Variants in SLC24A2 observed in about 807,000 individuals in gnomAD.
SLC24A2 encodes the protein sodium/potassium/calcium exchanger 2.
SLC24A2 carries 36 observed loss-of-function variants against 62.0 expected under a neutral mutation model. The ratio of observed to expected loss-of-function variants is 0.58; its 90% confidence interval spans 0.44 to 0.77. The LOEUF is 0.77. SLC24A2 is among the 30% of genes least tolerant of loss of function. The pLI, the probability that SLC24A2 is intolerant of heterozygous loss-of-function variation, is 0.00. For synonymous variants in SLC24A2, 358 were observed against 294.0 expected (o/e 1.22, Z -2.23); for missense variants, 846 against 817.9 (o/e 1.03, Z -0.42).
the SLC24A2 span, among the ~76,000 whole-genome samples, chr9:20,001,347 G>A: frequency 2.0e-5 from 3 of 152,212 alleles, no homozygotes; most frequent in African/African-American, 7.2e-5. Flanking sequence ...GCTCAGGTCT[G>A]CATGGAGAGA....
chr9:19,820,064 T>TACACAC, the SLC24A2 span, among the ~76,000 whole-genome samples: 2 of 129,422 alleles, frequency 1.5e-5, no homozygotes, highest in African/African-American at 6.1e-5. Context: ...TACACATATA[T>TACACAC]ATATATATAT....
intron 2 of SLC24A2, among the ~76,000 whole-genome samples, chr9:19,704,022 G>C (rs1320856158): frequency 6.6e-6 from 1 of 152,110 alleles, no homozygotes; most frequent in Non-Finnish European, 1.5e-5. Flanking sequence ...TGATCATATA[G>C]GGCTTAGTTA....
At chr9:20,235,630 AC>A in the SLC24A2 span, among the ~76,000 whole-genome samples, 16 of 151,956 alleles carry the variant, frequency 1.1e-4, no homozygotes, top group African/African-American at 3.6e-4. Context: ...GCCCTCTGTC[AC>A]CCCTTTCTTT....
intron 8 of SLC24A2, among the ~76,000 whole-genome samples, chr9:19,532,174 G>A (rs1216944201): frequency 6.6e-6 from 1 of 152,138 alleles, no homozygotes; most frequent in African/African-American, 2.4e-5. Flanking sequence ...CCTCCACCTT[G>A]TGGGTTCAAG....
the SLC24A2 span, among the ~76,000 whole-genome samples, chr9:19,794,657 A>T: frequency 6.6e-6 from 1 of 151,318 alleles, no homozygotes; most frequent in Non-Finnish European, 1.5e-5. Flanking sequence ...TGTCCATTTC[A>T]TCAAGAGACT....
At chr9:20,097,720 A>ATTTTTTTT in the SLC24A2 span, among the ~76,000 whole-genome samples, 65 of 69,108 alleles carry the variant, frequency 9.4e-4, 11 homozygotes, top group East Asian at 9.8e-3. Context: ...ATCTTAAATA[A>ATTTTTTTT]TTTTTTTTTT....
At chr9:19,809,647 C>T in the SLC24A2 span, among the ~76,000 whole-genome samples, 50 of 151,990 alleles carry the variant, frequency 3.3e-4, no homozygotes, top group African/African-American at 1.2e-3. Flanking sequence ...CAGTAAGGAG[C>T]GGACAGGATG....
At chr9:19,582,757 G>T (rs566762161) in intron 5 of SLC24A2, among the ~76,000 whole-genome samples, 128 of 152,092 alleles carry the variant, frequency 8.4e-4, no homozygotes, top group African/African-American at 2.9e-3. Flanking sequence ...CTCTCAGAAG[G>T]CTTGCAACAG....
intron 2 of SLC24A2, among the ~76,000 whole-genome samples, chr9:19,717,403 T>G (rs1267223824): frequency 6.6e-5 from 10 of 152,224 alleles, no homozygotes; most frequent in African/African-American, 2.4e-4. Flanking sequence ...AATGGTTAGG[T>G]AAGTTTAGTT....
chr9:20,142,118 G>A, the SLC24A2 span, among the ~76,000 whole-genome samples: 1 of 152,046 alleles, frequency 6.6e-6, no homozygotes, highest in South Asian at 2.1e-4. Context: ...AGAGTTCGAT[G>A]ATGAAATAGG....
the SLC24A2 span, among the ~76,000 whole-genome samples, chr9:20,240,672 C>T: frequency 2.0e-5 from 3 of 152,042 alleles, no homozygotes; most frequent in Non-Finnish European, 2.9e-5. Context: ...TGACTAGGAA[C>T]TGAAATGACT....
the SLC24A2 span, among the ~76,000 whole-genome samples, chr9:20,210,637 C>CTTT: frequency 1.2e-5 from 1 of 80,876 alleles, no homozygotes; most frequent in African/African-American, 5.7e-5. Flanking sequence ...CAACGCCCGG[C>CTTT]TTTTTTTTTT....
Position 19,513,578 on chromosome 9 carries a change from G to A in SLC24A2, c.*2575C>T, listed in dbSNP as rs1469785520. The A allele has an allele frequency of 6.6e-6, 1 of 152,020 alleles. No individual in the cohort carries two copies. Among genetic ancestry groups the A allele is most frequent in the African/African-American group, 2.4e-5 (1 of 41,390 alleles). The allele number at this position is 152,020 out of a possible 1,614,324, so 9.4% of individuals were successfully genotyped here. On this transcript the variant is annotated 3_prime_UTR_variant, in exon 11 of 11. Transcript: ENST00000341998. Reference sequence around the variant, plus strand: ...AGTGGAGCTCCGAGACAAGCAAAGGGCACCATAGCTGCTTTGATCAGCCTT... The same window carrying A: ...AGTGGAGCTCCGAGACAAGCAAAGGACACCATAGCTGCTTTGATCAGCCTT...
chr9:19,702,805 C>T (rs1013627460), intron 2 of SLC24A2, among the ~76,000 whole-genome samples: 6 of 152,066 alleles, frequency 3.9e-5, no homozygotes, highest in African/African-American at 1.4e-4. Flanking sequence ...AACTTCATAT[C>T]ACTACCATAC....
chr9:20,112,223 G>GA, the SLC24A2 span, among the ~76,000 whole-genome samples: 2 of 151,808 alleles, frequency 1.3e-5, no homozygotes, highest in Admixed American at 1.3e-4. Context: ...CTGCCTGAAG[G>GA]AAAAAAAAGA....
At chr9:19,901,784 C>G in the SLC24A2 span, among the ~76,000 whole-genome samples, 1 of 151,892 alleles carries the variant, frequency 6.6e-6, no homozygotes, top group African/African-American at 2.4e-5. Flanking sequence ...TTCTTCTTAA[C>G]AGGAGAAAGC....
the SLC24A2 span, chr9:19,957,711 T>C: frequency 6.6e-6 from 1 of 152,450 alleles, no homozygotes; most frequent in African/African-American, 2.4e-5. Flanking sequence ...GATAAGGCTG[T>C]AGAAGAACCA....
At chr9:19,648,142 A>G (rs1297510840) in intron 2 of SLC24A2, among the ~76,000 whole-genome samples, 2 of 152,214 alleles carry the variant, frequency 1.3e-5, no homozygotes, top group Non-Finnish European at 2.9e-5. Flanking sequence ...TACGCAATAG[A>G]CTAACAACCC....
At chr9:20,223,097 T>C in the SLC24A2 span, among the ~76,000 whole-genome samples, 23 of 152,118 alleles carry the variant, frequency 1.5e-4, no homozygotes, top group African/African-American at 5.5e-4. Flanking sequence ...GATTGTGGAT[T>C]AGCAATAACC....
Sources: allele counts gnomAD v4.1 joint callset (sites outside exome capture counted in the v4.1 genomes callset), GRCh38; gene constraint gnomAD v4.1.1; transcripts MANE v1.5; gene names NCBI Gene and HGNC (gene_info 2026-07-23, HGNC 2026-07-21).